Variants in SULF1 observed in about 807,000 individuals in gnomAD.
The protein encoded by SULF1 is sulfatase 1.
A neutral mutation model predicts 110.5 loss-of-function variants in SULF1; 46 were observed. The observed-to-expected ratio is 0.42, with a 90% CI of 0.33 to 0.53. The LOEUF is 0.53. SULF1 is among the 20% of genes least tolerant of loss of function. The pLI is 0.12. For synonymous variants in SULF1, 371 were observed against 387.1 expected (o/e 0.96, Z 0.49); for missense variants, 941 against 1,094.2 (o/e 0.86, Z 1.98).
At chr8:69,497,478 A>G (rs1237112660) in intron 2 of SULF1, among the ~76,000 whole-genome samples, 1 of 152,154 alleles carries the variant, frequency 6.6e-6, no homozygotes, top group African/African-American at 2.4e-5. Flanking sequence ...AAGCAACAAG[A>G]CTAAAGCCAC....
At position 69,624,112 on chromosome 8, in the gene SULF1, G is replaced by C. The variant is rs780347598; in HGVS notation, c.1765G>C (p.Ala589Pro). 6.2e-7 allele frequency: 1 copy of C among 1,613,872 alleles called. No homozygotes were observed. The highest frequency in any genetic ancestry group is 2.2e-5 in the East Asian group (1 of 44,880). ...CCACAAGGGGCCAAGAGATCTCCAG[G>C]CTTCCAGTGGTGGCAACAGGGGCAG... ...EGHKGPRDLQ[A>P]SSGGNRGRML... The change falls in exon 15 of 23, where the codon GCT becomes CCT. Residue 589 changes from alanine to proline, a missense_variant. By Grantham distance (27) the Ala-to-Pro change is conservative. Around this residue, in one of 3 missense-constraint regions of SULF1, gnomAD observed 822 missense variants for 934.3 expected, o/e 0.88. Transcript: ENST00000402687.
At chr8:69,574,849 T>C (rs1474420351) in intron 5 of SULF1, among the ~76,000 whole-genome samples, 1 of 152,214 alleles carries the variant, frequency 6.6e-6, no homozygotes, top group Non-Finnish European at 1.5e-5. Flanking sequence ...ACCCTCCTCC[T>C]GTTCTCATAT....
chr8:69,556,293 C>T (rs144351797), intron 3 of SULF1, among the ~76,000 whole-genome samples: 27 of 152,274 alleles, frequency 1.8e-4, no homozygotes, highest in African/African-American at 6.5e-4. Context: ...AGTGGGGCCA[C>T]AAGACTAGTC....
chr8:69,482,675 G>A (rs1248801760), intron 1 of SULF1, among the ~76,000 whole-genome samples: 1 of 152,088 alleles, frequency 6.6e-6, no homozygotes, highest in Non-Finnish European at 1.5e-5. Flanking sequence ...TGGGTAACTG[G>A]TATGTAAGTG....
chr8:69,525,723 C>T (rs1046216608), intron 3 of SULF1, among the ~76,000 whole-genome samples: 1 of 152,186 alleles, frequency 6.6e-6, no homozygotes, highest in African/African-American at 2.4e-5. Flanking sequence ...GCATGCCTTA[C>T]ATGTGCAGGA....
intron 22 of SULF1, among the ~76,000 whole-genome samples, chr8:69,647,546 C>T (rs1167156508): frequency 6.6e-6 from 1 of 152,100 alleles, no homozygotes; most frequent in Non-Finnish European, 1.5e-5. Flanking sequence ...GGTTGCTCTG[C>T]CTGTGGAGTA....
chr8:69,571,324 A>G lies in SULF1; in HGVS notation c.173-4646A>G, dbSNP rs907982339. Among the ~76,000 whole-genome samples, 8 of 152,344 alleles carry G rather than the reference A, an allele frequency of 5.3e-5. No individual in the cohort carries two copies. In the East Asian group the frequency reaches 7.7e-4, roughly 15 times the overall value. ...ATGGCATCCTGCCGTTTGCTCAGCA[A>G]CAACCTTGTAAACTAGTCGGAGTGG... On this transcript the variant is annotated intron_variant, in intron 5 of 22. Coordinates refer to ENST00000402687, the MANE Select transcript of SULF1 (RefSeq NM_001128205.2).
At chr8:69,621,826 A>G (rs750360343) in intron 14 of SULF1, among the ~76,000 whole-genome samples, 2 of 152,244 alleles carry the variant, frequency 1.3e-5, no homozygotes, top group Non-Finnish European at 2.9e-5. Flanking sequence ...CTTAATAGCT[A>G]TAAGAAACCT....
intron 3 of SULF1, among the ~76,000 whole-genome samples, chr8:69,510,935 A>G (rs189572968): frequency 7.2e-6 from 1 of 139,670 alleles, no homozygotes; most frequent in East Asian, 2.1e-4. Flanking sequence ...ATGTTAGTCC[A>G]TATCATCATT....
intron 3 of SULF1, among the ~76,000 whole-genome samples, chr8:69,517,264 T>G (rs1811991760): frequency 6.6e-6 from 1 of 152,166 alleles, no homozygotes; most frequent in South Asian, 2.1e-4. Context: ...ATAATGGAAA[T>G]TATCTGTCCA....
intron 1 of SULF1, among the ~76,000 whole-genome samples, chr8:69,481,114 T>C (rs139770371): frequency 5.3e-5 from 8 of 152,248 alleles, no homozygotes; most frequent in African/African-American, 1.9e-4. Flanking sequence ...GTTGTAAGTA[T>C]CTCAAGAAAG....
chr8:69,581,795 G>A lies in SULF1; in HGVS notation c.413-4562G>A, dbSNP rs754234027. 2.4e-4 allele frequency among the ~76,000 whole-genome samples: 37 copies of A among 152,256 alleles called. 1 individual carries two copies. In the Middle Eastern group the frequency reaches 0.01, roughly 42 times the overall value. On this transcript the variant is annotated intron_variant, in intron 6 of 22. Transcript: ENST00000402687. ...GGAAACATCGTGTTGAAAGAGGCCG[G>A]GGTGATTACAAACGAGTCTCAATGT...
At chr8:69,619,192 C>T (rs1002918474) in intron 13 of SULF1, among the ~76,000 whole-genome samples, 4 of 152,082 alleles carry the variant, frequency 2.6e-5, no homozygotes, top group African/African-American at 7.2e-5. Flanking sequence ...GTTTCTCACT[C>T]TTTAACTAGA....
At chr8:69,488,732 G>C (rs1809798848), upstream of SULF1, among the ~76,000 whole-genome samples, 1 of 152,070 alleles carries the variant, frequency 6.6e-6, no homozygotes, top group Non-Finnish European at 1.5e-5. Flanking sequence ...ACAGATGACA[G>C]CCACAGCAGC....
At chr8:69,620,029 CT>C (rs1809483171) in intron 13 of SULF1, among the ~76,000 whole-genome samples, 1 of 152,232 alleles carries the variant, frequency 6.6e-6, no homozygotes, top group Admixed American at 6.5e-5. Context: ...CACACACGGG[CT>C]TGAAGGATGA....
chr8:69,637,163 C>A (rs937411629), intron 19 of SULF1, among the ~76,000 whole-genome samples: 6 of 152,206 alleles, frequency 3.9e-5, no homozygotes, highest in African/African-American at 1.4e-4. Flanking sequence ...TTTCAAATGC[C>A]AAATGACCAT....
chr8:69,656,578 T>C (rs1442664836), intron 22 of SULF1, among the ~76,000 whole-genome samples: 1 of 152,190 alleles, frequency 6.6e-6, no homozygotes, highest in African/African-American at 2.4e-5. Flanking sequence ...CAGTGTTTGG[T>C]TTTCTGTTCT....
intron 22 of SULF1, among the ~76,000 whole-genome samples, chr8:69,654,617 G>A (rs563356329): frequency 6.6e-6 from 1 of 152,242 alleles, no homozygotes; most frequent in South Asian, 2.1e-4. Context: ...TCTGCATCAC[G>A]TATAAAAAAG....
chr8:69,596,243 G>A (rs1413136219), intron 8 of SULF1, among the ~76,000 whole-genome samples: 2 of 152,186 alleles, frequency 1.3e-5, no homozygotes, highest in African/African-American at 4.8e-5. Context: ...GCAGTACTGG[G>A]TGAAGCCCTT....
Sources: gnomAD v4.1 joint callset for allele counts (sites outside exome capture counted in the v4.1 genomes callset) on GRCh38, gnomAD v4.1.1 for gene constraint, gnomAD v4.1.1 regional missense constraint, MANE v1.5 for transcripts, NCBI Gene and HGNC (gene_info 2026-07-23, HGNC 2026-07-21) for gene names.